ANKRD42: variants seen among roughly 807,000 people sequenced by gnomAD.
The protein encoded by ANKRD42 is ankyrin repeat domain-containing protein 42.
In ANKRD42, 43 loss-of-function variants were observed where a neutral mutation model predicts 51.5. That is an observed-to-expected ratio of 0.83 (90% CI 0.65 to 1.08). The LOEUF is 1.08. ANKRD42 is among the 50% of genes least tolerant of loss of function. ANKRD42 has a pLI of 0.00. For missense variants in ANKRD42, 608 were observed against 629.3 expected (o/e 0.97, Z 0.36); for synonymous variants, 203 against 213.0 (o/e 0.95, Z 0.41).
rs1269808405 is a variant in ANKRD42, at chr11:83,242,334, G to T, written c.1195+1400G>T. Among the ~76,000 whole-genome samples, 2 of 152,132 alleles carry T rather than the reference G, an allele frequency of 1.3e-5. 1 individual carries two copies. The highest frequency in any genetic ancestry group is 2.9e-5 in the Non-Finnish European group (2 of 68,028). On this transcript the variant is annotated intron_variant, in intron 9 of 10. Coordinates refer to ENST00000533342, the MANE Select transcript of ANKRD42 (RefSeq NM_001300975.2). ...GCCCATTTTCCTTCATAGGGCAAGA[G>T]TGGAAGCAGGGAAATCAGTTAGGGG...
rs1330928723 is a variant in ANKRD42, at chr11:83,248,787, C to T, written c.*583C>T. The T allele has an allele frequency of 1.0e-6, 1 of 976,974 alleles. No homozygotes were observed. The highest frequency in any genetic ancestry group is 1.2e-6 in the Non-Finnish European group (1 of 822,414). The allele number at this position is 976,974 out of a possible 1,614,324, so 60.5% of individuals were successfully genotyped here. On this transcript the variant is annotated 3_prime_UTR_variant, in exon 11 of 11. Coordinates refer to ENST00000533342, the MANE Select transcript of ANKRD42 (RefSeq NM_001300975.2). ...AGATGTTCCTTCTGACACTAAGTTC[C>T]ACTCTCCAGAGGAAGCTATTGTTAA...
At chr11:83,196,214 A>G (rs1658037906) in intron 1 of ANKRD42, among the ~76,000 whole-genome samples, 1 of 152,272 alleles carries the variant, frequency 6.6e-6, no homozygotes, top group East Asian at 1.9e-4. Context: ...TTAGCCTTGT[A>G]AACTCAGCCT....
rs541776747 is a variant in ANKRD42, at chr11:83,220,658, A to G, written c.587-4197A>G. ...TGAAGAAGCTTTGCTGGATTCTTGG[A>G]TGGCAGGGTTTTGTTTTGTTTCCTT... On this transcript the variant is annotated intron_variant, in intron 5 of 10. Transcript: ENST00000533342. 2.0e-4 allele frequency among the ~76,000 whole-genome samples: 31 copies of G among 152,228 alleles called. No homozygotes were observed. The South Asian group carries it at 6.0e-3, about 30-fold the overall frequency.
intron 9 of ANKRD42, among the ~76,000 whole-genome samples, chr11:83,242,442 T>TG (rs66968348): frequency 0.71 from 108,175 of 151,796 alleles, 39,319 homozygotes; most frequent in African/African-American, 0.84. Context: ...TGGTGAGATT[T>TG]GGTGTATTTA....
chr11:83,201,140 G>A (rs143696921), intron 2 of ANKRD42, among the ~76,000 whole-genome samples: 118 of 152,022 alleles, frequency 7.8e-4, no homozygotes, highest in Admixed American at 1.8e-3. Context: ...CTAATGCTCC[G>A]CCTCCCCTAA....
Position 83,194,825 on chromosome 11 carries a change from G to C in ANKRD42, c.58+97G>C, listed in dbSNP as rs941372340. On this transcript the variant is annotated intron_variant, in intron 1 of 10. Coordinates refer to ENST00000533342, the MANE Select transcript of ANKRD42 (RefSeq NM_001300975.2). Reference sequence around the variant, plus strand: ...CCCTTTCTGGCATTTCCTTTTCTCAGCCGTCACTCCCCCCTTTCCCTTTTT... The same window carrying C: ...CCCTTTCTGGCATTTCCTTTTCTCACCCGTCACTCCCCCCTTTCCCTTTTT... 7 of 1,236,744 alleles carry C rather than the reference G, an allele frequency of 5.7e-6. No homozygotes were observed. In the Admixed American group the frequency reaches 7.0e-5, roughly 12 times the overall value. 76.6% of individuals were successfully genotyped at this position (1,236,744 alleles called of 1,614,324 possible).
intron 5 of ANKRD42, among the ~76,000 whole-genome samples, chr11:83,215,403 C>T (rs2135512767): frequency 6.6e-6 from 1 of 152,044 alleles, no homozygotes; most frequent in South Asian, 2.1e-4. Context: ...TTTCTTTATA[C>T]TCTGTGCCTT....
At chr11:83,195,547 A>G (rs1861613281) in intron 1 of ANKRD42, among the ~76,000 whole-genome samples, 1 of 152,168 alleles carries the variant, frequency 6.6e-6, no homozygotes, top group Non-Finnish European at 1.5e-5. Flanking sequence ...GGGTACCTCA[A>G]GAGCAGCATG....
rs1863361797 is a variant in ANKRD42, at chr11:83,240,790, G to C, written c.1051G>C (p.Glu351Gln). Residue 351 changes from glutamate to glutamine, a missense_variant, in exon 9 of 11, where the codon GAG (glutamate) becomes CAG (glutamine). Coordinates refer to ENST00000533342, the MANE Select transcript of ANKRD42 (RefSeq NM_001300975.2). ...CCATTTGGCAGCAGTGAAGCTGTTAGAGGAGCTACAGAAATATGATATAGA... is the reference window on the plus strand; with the variant it reads ...CCATTTGGCAGCAGTGAAGCTGTTACAGGAGCTACAGAAATATGATATAGA... Reference protein sequence around the residue: ...FAHLAAVKLLEELQKYDIDDE... With the variant: ...FAHLAAVKLLQELQKYDIDDE... The C allele has an allele frequency of 1.2e-6, 2 of 1,614,076 alleles. No homozygotes were observed. Among genetic ancestry groups the C allele is most frequent in the East Asian group, 2.2e-5 (1 of 44,876 alleles).
At chr11:83,245,951 A>G (rs912378358) in intron 10 of ANKRD42, among the ~76,000 whole-genome samples, 4 of 152,200 alleles carry the variant, frequency 2.6e-5, no homozygotes, top group Non-Finnish European at 5.9e-5. Flanking sequence ...TCATCAGGCT[A>G]CACTGCCCAT....
At chr11:83,247,661 C>A (rs1209295117) in intron 10 of ANKRD42, among the ~76,000 whole-genome samples, 1 of 152,294 alleles carries the variant, frequency 6.6e-6, no homozygotes, top group East Asian at 1.9e-4. Context: ...TTATTACCTT[C>A]CAACATACCA....
intron 2 of ANKRD42, among the ~76,000 whole-genome samples, chr11:83,201,788 T>G (rs1336171428): frequency 6.6e-6 from 1 of 152,260 alleles, no homozygotes; most frequent in African/African-American, 2.4e-5. Flanking sequence ...GTTGGCTGCA[T>G]AAATGTCTTC....
chr11:83,262,103 C>G (rs1863961611), downstream of ANKRD42: 3 of 571,206 alleles, frequency 5.3e-6, no homozygotes, highest in East Asian at 9.1e-5. Context: ...TTTTTATTCC[C>G]TAGACAATTA....
downstream of ANKRD42, among the ~76,000 whole-genome samples, chr11:83,263,322 G>A (rs1864041903): frequency 6.6e-6 from 1 of 152,108 alleles, no homozygotes; most frequent in South Asian, 2.1e-4. Context: ...CTGCATTTAA[G>A]TTTCTCTCTC....
intron 5 of ANKRD42, among the ~76,000 whole-genome samples, chr11:83,218,427 T>G (rs768866530): frequency 3.3e-5 from 5 of 152,208 alleles, no homozygotes; most frequent in Non-Finnish European, 5.9e-5. Context: ...CTGCCTCATT[T>G]TCAATAGGAC....
intron 11 of ANKRD42, among the ~76,000 whole-genome samples, chr11:83,254,437 T>C (rs537963650): frequency 0.048 from 6,475 of 134,602 alleles, 241 homozygotes; most frequent in South Asian, 0.17. Flanking sequence ...TTTCTTTTCT[T>C]TTTTTTTTTT....
At chr11:83,199,147 G>A (rs867950444) in intron 2 of ANKRD42, among the ~76,000 whole-genome samples, 1 of 152,138 alleles carries the variant, frequency 6.6e-6, no homozygotes, top group African/African-American at 2.4e-5. Context: ...AAATGAATAT[G>A]TATTCTAACA....
intron 2 of ANKRD42, among the ~76,000 whole-genome samples, chr11:83,202,927 T>C (rs1861924799): frequency 6.6e-6 from 1 of 152,138 alleles, no homozygotes; most frequent in Admixed American, 6.6e-5. Flanking sequence ...GAATTAAATT[T>C]ACGTTTATAT....
rs866511159 is a variant in ANKRD42, at chr11:83,224,465, C to T, written c.587-390C>T. ...TAACTATTCAACCATTTACTCACTG[C>T]TTTGAAGTGACTAGAAGGCTGACTG... On this transcript the variant is annotated intron_variant, in intron 5 of 10. Coordinates refer to ENST00000533342, the MANE Select transcript of ANKRD42 (RefSeq NM_001300975.2). Among the ~76,000 whole-genome samples the T allele has an allele frequency of 8.5e-5, 13 of 152,248 alleles. No homozygotes were observed. In the Middle Eastern group the frequency reaches 0.017, roughly 199 times the overall value.
Sources: gnomAD v4.1 joint callset for allele counts (sites outside exome capture counted in the v4.1 genomes callset) on GRCh38, gnomAD v4.1.1 for gene constraint, MANE v1.5 for transcripts, NCBI Gene and HGNC (gene_info 2026-07-23, HGNC 2026-07-21) for gene names.